The following IL6R variants were observed in gnomAD, a reference collection of about 807,000 sequenced individuals.
IL6R encodes interleukin-6 receptor subunit alpha.
In IL6R, 38 loss-of-function variants were observed where a neutral mutation model predicts 48.3. The observed-to-expected ratio is 0.79, with a 90% CI of 0.61 to 1.03. The LOEUF is 1.03. Ranked by LOEUF, IL6R falls within the 50% of genes least tolerant of loss-of-function variation. The pLI is 0.00. For missense variants in IL6R, 534 were observed against 618.3 expected (o/e 0.86, Z 1.45); for synonymous variants, 264 against 256.2 (o/e 1.03, Z -0.29).
chr1:154,426,545 G>C (rs938107427), intron 1 of IL6R, among the ~76,000 whole-genome samples: 2 of 150,366 alleles, frequency 1.3e-5, no homozygotes, highest in African/African-American at 4.9e-5. Flanking sequence ...AGAAAGAAAA[G>C]AGAAAAGCAT....
rs1329125442 is a variant in IL6R, at chr1:154,405,728, G to A, written c.85+14G>A. 12 of 1,477,038 alleles carry A rather than the reference G, an allele frequency of 8.1e-6. No individual in the cohort carries two copies. Among genetic ancestry groups the A allele is most frequent in the Non-Finnish European group, 1.1e-5 (12 of 1,123,432 alleles). The allele number at this position is 1,477,038 out of a possible 1,614,324, so 91.5% of individuals were successfully genotyped here. A position where few individuals can be genotyped will look rare whatever the true frequency, so the allele number is the denominator to read the frequency against. On this transcript the variant is annotated intron_variant, in intron 1 of 9. Transcript: ENST00000368485. The surrounding 1 kb of genome is among the most constrained non-coding windows in gnomAD (Gnocchi z 5.2). ...GCCCTGCGCAGGGTAAGGGCTTCGG[G>A]CGCACCTGGAGGGCTGGGGCAGCTA...
At chr1:154,423,398 G>A (rs2149225148) in intron 1 of IL6R, among the ~76,000 whole-genome samples, 3 of 151,584 alleles carry the variant, frequency 2.0e-5, no homozygotes, top group East Asian at 3.9e-4. Context: ...GGAGGGCAGA[G>A]GTAGGGAGAG....
chr1:154,414,869 G>A (rs1688242034), intron 1 of IL6R: 1 of 777,882 alleles, frequency 1.3e-6, no homozygotes, highest in South Asian at 1.4e-5. Flanking sequence ...GCTGACTGGG[G>A]AAGCTGTTCC....
intron 1 of IL6R, chr1:154,415,188 A>G (rs1278964799): frequency 8.6e-6 from 6 of 696,420 alleles, no homozygotes; most frequent in Non-Finnish European, 1.6e-5. Flanking sequence ...CCCGGAGCTC[A>G]AGGCGCCGGC....
chr1:154,451,762 C>A (rs1041621426), intron 8 of IL6R, among the ~76,000 whole-genome samples: 3 of 151,920 alleles, frequency 2.0e-5, no homozygotes, highest in Admixed American at 6.6e-5. Context: ...ACTCGAACTC[C>A]CCACCTCAGG....
chr1:154,426,193 C>CACACAT (rs1301289799), intron 1 of IL6R, among the ~76,000 whole-genome samples: 2 of 149,140 alleles, frequency 1.3e-5, no homozygotes, highest in Non-Finnish European at 1.5e-5. Context: ...CACACACACA[C>CACACAT]ATATATACAC....
chr1:154,435,279 G>T (rs2149244767), intron 5 of IL6R, 123 bp downstream of exon 5: 1 of 841,656 alleles, frequency 1.2e-6, no homozygotes, highest in South Asian at 1.7e-5. Flanking sequence ...GGAGGCCAAG[G>T]TGGGCGAATC....
At chr1:154,432,609 C>T (rs1049219677) in intron 3 of IL6R, among the ~76,000 whole-genome samples, 2 of 152,166 alleles carry the variant, frequency 1.3e-5, no homozygotes, top group Non-Finnish European at 2.9e-5. Context: ...CCGCCTGTCT[C>T]GGCCTCCCAA....
At chr1:154,415,191 G>T in intron 1 of IL6R, 1 of 694,014 alleles carries the variant, frequency 1.4e-6, no homozygotes, top group Non-Finnish European at 2.6e-6. Flanking sequence ...GGAGCTCAAG[G>T]CGCCGGCTGC....
In IL6R at chr1:154,447,686, TTTTTGTTTTG is replaced by T. The variant is rs527467504; in HGVS notation, c.950-404_950-395del. Reference sequence around the variant, plus strand: ...TATTTGGTTATTTCCAGCATGCTGTTTTTTGTTTTGTTTTGTTTTGTTTTGTTTTGTTTTG... The same window carrying T: ...TATTTGGTTATTTCCAGCATGCTGTTTTTTGTTTTGTTTTGTTTTGTTTTG... On this transcript the variant is annotated intron_variant, in intron 6 of 9. Coordinates refer to ENST00000368485, the MANE Select transcript of IL6R (RefSeq NM_000565.4). 3.2e-3 allele frequency among the ~76,000 whole-genome samples: 471 copies of T among 148,422 alleles called. 2 individuals are homozygous for T. Among genetic ancestry groups the T allele is most frequent in the Middle Eastern group, 0.01 (3 of 294 alleles).
rs1691627318 is a variant in IL6R at position 154,467,826 on chromosome 1, G to A, written c.*2446G>A. Reference sequence around the variant, plus strand: ...CCACCACATAAAGTTTCTGAGACTTGAGAACAGCAAAATGCTGTTAAAGGG... The same window carrying A: ...CCACCACATAAAGTTTCTGAGACTTAAGAACAGCAAAATGCTGTTAAAGGG... On this transcript the variant is annotated 3_prime_UTR_variant, in exon 10 of 10. Transcript: ENST00000368485. The A allele has an allele frequency of 6.6e-6, 1 of 152,214 alleles. No individual in the cohort carries two copies. The highest frequency in any genetic ancestry group is 2.4e-5 in the African/African-American group (1 of 41,452). The allele number at this position is 152,214 out of a possible 1,614,324, so 9.4% of individuals were successfully genotyped here.
chr1:154,429,060 C>T, intron 1 of IL6R, 136 bp from the exon 2 acceptor site: 4 of 986,992 alleles, frequency 4.1e-6, no homozygotes, highest in South Asian at 1.6e-5. Flanking sequence ...GAATGCTGCC[C>T]TAATCCAGGC....
At chr1:154,410,817 A>G (rs1687978708) in intron 1 of IL6R, among the ~76,000 whole-genome samples, 1 of 151,850 alleles carries the variant, frequency 6.6e-6, no homozygotes, top group African/African-American at 2.4e-5. Context: ...TTCCCACTCC[A>G]CTTCCCAACC....
At chr1:154,423,292 T>TATA (rs1463974212) in intron 1 of IL6R, among the ~76,000 whole-genome samples, 18 of 139,508 alleles carry the variant, frequency 1.3e-4, no homozygotes, top group South Asian at 2.3e-4. Context: ...TATGTATTCA[T>TATA]TATAAGAGCA....
intron 7 of IL6R, among the ~76,000 whole-genome samples, chr1:154,448,501 C>G (rs1690399283): frequency 6.6e-6 from 1 of 152,200 alleles, no homozygotes; most frequent in Non-Finnish European, 1.5e-5. Context: ...CCTGTGGACT[C>G]TTGGTGACAT....
intron 5 of IL6R, among the ~76,000 whole-genome samples, chr1:154,435,678 C>T (rs919041273): frequency 7.2e-5 from 11 of 152,204 alleles, no homozygotes; most frequent in African/African-American, 2.4e-4. Flanking sequence ...CTCCTCTTCC[C>T]GGGCTTGTCT....
intron 7 of IL6R, among the ~76,000 whole-genome samples, chr1:154,448,759 G>T (rs2149262239): frequency 6.6e-6 from 1 of 152,142 alleles, no homozygotes; most frequent in African/African-American, 2.4e-5. Flanking sequence ...CCCAACACGG[G>T]TTCTGGGGAA....
At chr1:154,440,428 T>A (rs557203860) in intron 6 of IL6R, among the ~76,000 whole-genome samples, 127 of 152,324 alleles carry the variant, frequency 8.3e-4, no homozygotes, top group Non-Finnish European at 1.5e-3. Context: ...AGAATTATAA[T>A]TGTGGCATTA....
At chr1:154,459,751 A>C (rs1691136789) in intron 9 of IL6R, among the ~76,000 whole-genome samples, 1 of 152,036 alleles carries the variant, frequency 6.6e-6, no homozygotes, top group Non-Finnish European at 1.5e-5. Flanking sequence ...TCTGTCCCCC[A>C]CTGATTCTCT....
Sources: allele counts gnomAD v4.1 joint callset (sites outside exome capture counted in the v4.1 genomes callset), GRCh38; gene constraint gnomAD v4.1.1; non-coding constraint Gnocchi (gnomAD v3.1); transcripts MANE v1.5; gene names NCBI Gene and HGNC (gene_info 2026-07-23, HGNC 2026-07-21).